FAM174B: variants seen among roughly 807,000 people sequenced by gnomAD.
The protein encoded by FAM174B is family with sequence similarity 174 member B, also known as membrane protein FAM174B.
In FAM174B, 12 loss-of-function variants were observed where a neutral mutation model predicts 10.9. The ratio of observed to expected loss-of-function variants is 1.10; its 90% confidence interval spans 0.71 to 1.79. FAM174B has a LOEUF of 1.79. Among genes scored for constraint, FAM174B ranks in the 40% most tolerant of loss-of-function variants. The pLI is 0.00. For synonymous variants in FAM174B, 132 were observed against 115.8 expected (o/e 1.14, Z -0.90); for missense variants, 266 against 233.3 (o/e 1.14, Z -0.91).
intron 1 of FAM174B, among the ~76,000 whole-genome samples, chr15:92,651,972 C>A (rs75336998): frequency 6.6e-6 from 1 of 152,156 alleles, no homozygotes; most frequent in African/African-American, 2.4e-5. Flanking sequence ...CCATTTTATA[C>A]GCAATCATAC....
intron 2 of FAM174B, among the ~76,000 whole-genome samples, chr15:92,626,380 T>G (rs1000432628): frequency 2.6e-5 from 4 of 152,138 alleles, no homozygotes; most frequent in African/African-American, 4.8e-5. Context: ...TATAGGCGCG[T>G]GCCACCGCAC....
At chr15:92,639,672 C>A (rs1596300486) in intron 1 of FAM174B, among the ~76,000 whole-genome samples, 1 of 152,112 alleles carries the variant, frequency 6.6e-6, no homozygotes, top group East Asian at 1.9e-4. Context: ...AACGGTTTGG[C>A]ACCATCCTCT....
intron 1 of FAM174B, among the ~76,000 whole-genome samples, chr15:92,649,417 T>A (rs1488466413): frequency 1.3e-5 from 2 of 152,216 alleles, no homozygotes; most frequent in African/African-American, 4.8e-5. Context: ...ACCTGCCTGA[T>A]AATTGTGGCC....
intron 1 of FAM174B, among the ~76,000 whole-genome samples, chr15:92,635,414 G>C (rs1410694406): frequency 6.6e-6 from 1 of 152,162 alleles, no homozygotes; most frequent in Non-Finnish European, 1.5e-5. Flanking sequence ...AGACTGCTGA[G>C]AAGTTTAAAG....
intron 2 of FAM174B, among the ~76,000 whole-genome samples, chr15:92,629,784 G>C (rs188004261): frequency 6.6e-6 from 1 of 152,086 alleles, no homozygotes; most frequent in Non-Finnish European, 1.5e-5. Context: ...GGAGGGACTC[G>C]GTAGGTAACT....
chr15:92,621,493 T>C (rs2050719021), intron 2 of FAM174B, among the ~76,000 whole-genome samples: 1 of 151,608 alleles, frequency 6.6e-6, no homozygotes, highest in Non-Finnish European at 1.5e-5. Flanking sequence ...GTGCCTGTAG[T>C]CCCAGCTACC....
At chr15:92,652,210 A>C (rs1480204807) in intron 1 of FAM174B, among the ~76,000 whole-genome samples, 3 of 152,228 alleles carry the variant, frequency 2.0e-5, no homozygotes, top group Non-Finnish European at 4.4e-5. Flanking sequence ...GCTCAGAAGA[A>C]GTTCGGTGGC....
chr15:92,627,927 C>T (rs1484330007), intron 2 of FAM174B, among the ~76,000 whole-genome samples: 1 of 152,152 alleles, frequency 6.6e-6, no homozygotes, highest in African/African-American at 2.4e-5. Flanking sequence ...CCTAGGTACA[C>T]GGACATCCCT....
intron 2 of FAM174B, among the ~76,000 whole-genome samples, chr15:92,624,685 G>C (rs887440743): frequency 2.0e-5 from 3 of 152,216 alleles, no homozygotes; most frequent in African/African-American, 7.2e-5. Flanking sequence ...CCCACAAGAG[G>C]GTGGGAAGCA....
chr15:92,638,622 T>C (rs770779078), intron 1 of FAM174B, among the ~76,000 whole-genome samples: 3 of 152,328 alleles, frequency 2.0e-5, no homozygotes, highest in Non-Finnish European at 4.4e-5. Context: ...CCCCTGTTGG[T>C]GTGCTTCTGA....
intron 1 of FAM174B, among the ~76,000 whole-genome samples, chr15:92,637,267 T>C (rs903621444): frequency 6.6e-6 from 1 of 152,236 alleles, no homozygotes; most frequent in Non-Finnish European, 1.5e-5. Flanking sequence ...CCACTGGCCT[T>C]GAGGCCCAGA....
At chr15:92,624,480 C>A (rs1012301288) in intron 2 of FAM174B, among the ~76,000 whole-genome samples, 1 of 152,212 alleles carries the variant, frequency 6.6e-6, no homozygotes, top group South Asian at 2.1e-4. Context: ...GCCATGAGGG[C>A]GTCCATGGGG....
At chr15:92,655,127 G>A in intron 1 of FAM174B, 189 bp downstream of exon 1, 1 of 657,482 alleles carries the variant, frequency 1.5e-6, no homozygotes, top group Non-Finnish European at 2.2e-6. Flanking sequence ...CCTAAAACAT[G>A]TACCAGGAAA....
At chr15:92,649,092 C>A (rs1596303334) in intron 1 of FAM174B, among the ~76,000 whole-genome samples, 1 of 152,236 alleles carries the variant, frequency 6.6e-6, no homozygotes, top group African/African-American at 2.4e-5. Context: ...TTAGTCCCCA[C>A]TGCTTACCCT....
In FAM174B at chr15:92,655,640, G is replaced by A; in HGVS notation, c.20C>T (p.Pro7Leu). 1 of 1,256,242 alleles carries A rather than the reference G, an allele frequency of 8.0e-7. No homozygotes were observed. Among genetic ancestry groups the A allele is most frequent in the South Asian group, 3.4e-5 (1 of 29,652 alleles). The allele number at this position is 1,256,242 out of a possible 1,614,324, so 77.8% of individuals were successfully genotyped here. The change falls in exon 1 of 3, where the codon CCC (proline) becomes CTC (leucine). Residue 7 changes from proline to leucine, a missense_variant. Transcript: ENST00000327355. MRAVPL[P>L]APLLPLLLLA... ...CAGCAGCAGCGGCAGGAGCGGGGCG[G>A]GCAGCGGCACGGCGCGCATAGTGCG...
chr15:92,651,423 C>T (rs2050965719), intron 1 of FAM174B, among the ~76,000 whole-genome samples: 1 of 152,210 alleles, frequency 6.6e-6, no homozygotes, highest in Non-Finnish European at 1.5e-5. Flanking sequence ...AGAATTCAAA[C>T]TATGCAGAAA....
At position 92,619,149 on chromosome 15, in the gene FAM174B, CAT is replaced by C; in HGVS notation, c.*305_*306del. 1.5e-6 allele frequency: 1 copy of C among 686,518 alleles called. No homozygotes were observed. The allele number at this position is 686,518 out of a possible 1,614,324, so 42.5% of individuals were successfully genotyped here. ...CTTAAAAAAACTTCTTTAAAATCAA[CAT>C]GTTTCTACCCTTTGCTCCTTAGCAA... On this transcript the variant is annotated 3_prime_UTR_variant, in exon 3 of 3. Transcript: ENST00000327355.
chr15:92,640,941 G>A (rs1392682212), intron 1 of FAM174B, among the ~76,000 whole-genome samples: 1 of 151,946 alleles, frequency 6.6e-6, no homozygotes, highest in African/African-American at 2.4e-5. Context: ...CACCGCGCCT[G>A]GCTAACATAT....
At chr15:92,638,411 C>A (rs1567047453) in intron 1 of FAM174B, among the ~76,000 whole-genome samples, 2 of 152,288 alleles carry the variant, frequency 1.3e-5, no homozygotes, top group South Asian at 4.1e-4. Flanking sequence ...CTCATACGTC[C>A]CACTTATACA....
Sources: gnomAD v4.1 joint callset for allele counts (sites outside exome capture counted in the v4.1 genomes callset) on GRCh38, gnomAD v4.1.1 for gene constraint, MANE v1.5 for transcripts, NCBI Gene and HGNC (gene_info 2026-07-23, HGNC 2026-07-21) for gene names.